FARSB: variants seen among roughly 807,000 people sequenced by gnomAD.
FARSB encodes the protein phenylalanyl-tRNA synthetase subunit beta.
A neutral mutation model predicts 69.6 loss-of-function variants in FARSB; 40 were observed. The ratio of observed to expected loss-of-function variants is 0.57; its 90% CI spans 0.45 to 0.75. The LOEUF is 0.75. Ranked by LOEUF, FARSB falls within the 30% of genes least tolerant of loss-of-function variation. FARSB has a pLI of 0.00. For synonymous variants in FARSB, 235 were observed against 247.2 expected (o/e 0.95, Z 0.46); for missense variants, 632 against 722.9 (o/e 0.87, Z 1.44).
At chr2:222,576,929 C>T (rs900617925) in intron 16 of FARSB, among the ~76,000 whole-genome samples, 6 of 152,160 alleles carry the variant, frequency 3.9e-5, no homozygotes, top group African/African-American at 1.4e-4. Flanking sequence ...GAAACACACA[C>T]TTATCCCACG....
Position 222,626,909 on chromosome 2 carries a change from G to A in FARSB, c.900+1928C>T, listed in dbSNP as rs188382664. Among the ~76,000 whole-genome samples, 373 of 152,108 alleles carry A rather than the reference G, an allele frequency of 2.5e-3. 2 individuals carry two copies. The highest frequency in any genetic ancestry group is 0.013 in the Admixed American group (196 of 15,290). ...AAATTAGCCGGGCGTGGTGACGGGC[G>A]CCTGTAGTCCCAGCTACTCGGGAGG... is the stretch of plus-strand genomic sequence containing the variant. On this transcript the variant is annotated intron_variant, in intron 10 of 16. Transcript: ENST00000281828.
intron 8 of FARSB, 61 bp downstream of exon 8, chr2:222,631,543 G>C: frequency 1.1e-6 from 1 of 904,054 alleles, no homozygotes; most frequent in Non-Finnish European, 1.8e-6. Context: ...ACTTAGTCTT[G>C]GTCCGGAAAT....
Position 222,643,000 on chromosome 2 carries a change from A to G in FARSB, c.120T>C (p.Ser40=). The G allele has an allele frequency of 6.3e-7, 1 of 1,585,236 alleles. No individual in the cohort carries two copies. Among genetic ancestry groups the G allele is most frequent in the Non-Finnish European group, 8.6e-7 (1 of 1,164,206 alleles). The change falls in exon 3 of 17, where the codon TCT becomes TCC. Residue 40 remains serine, a synonymous_variant. Coordinates refer to ENST00000281828, the MANE Select transcript of FARSB (RefSeq NM_005687.5). ...EFGLELDEIT[S]EKEIISKEQG... is the part of the protein sequence containing the mutation. ...GTTCTTTACTTATTATTTCCTTCTC[A>G]GATGTCTAAAACAAGCCAAAAAGTA...
chr2:222,586,155 G>A (rs971525798), intron 16 of FARSB, among the ~76,000 whole-genome samples: 10 of 152,300 alleles, frequency 6.6e-5, no homozygotes, highest in African/African-American at 1.4e-4. Context: ...GACTAACAGC[G>A]GATCTCTCAG....
In FARSB at chr2:222,567,844, T is replaced by C. The variant is rs1462147598; in HGVS notation, c.*4027A>G. ...GCTATTTAGCAGGATAGGGGGTTCA[T>C]TGGAGCAGTGTTTATAATTGCAAAC... On this transcript the variant is annotated 3_prime_UTR_variant, in exon 17 of 17. Coordinates refer to ENST00000281828, the MANE Select transcript of FARSB (RefSeq NM_005687.5). 1.3e-5 allele frequency: 2 copies of C among 152,202 alleles called. No individual in the cohort carries two copies. Among genetic ancestry groups the C allele is most frequent in the East Asian group, 3.8e-4 (2 of 5,202 alleles). The allele number at this position is 152,202 out of a possible 1,614,324, so 9.4% of individuals were successfully genotyped here.
chr2:222,652,616 A>C (rs1253395809), intron 1 of FARSB, among the ~76,000 whole-genome samples: 1 of 152,220 alleles, frequency 6.6e-6, no homozygotes, highest in East Asian at 1.9e-4. Context: ...CCTATGGCCA[A>C]AAATCAGCAA....
intron 16 of FARSB, among the ~76,000 whole-genome samples, chr2:222,594,093 C>CAAAAA (rs33937937): frequency 1.6e-4 from 8 of 51,570 alleles, no homozygotes; most frequent in South Asian, 1.1e-3. Flanking sequence ...CCCGCCTCTA[C>CAAAAA]AAAAAAAAAA....
intron 10 of FARSB, among the ~76,000 whole-genome samples, chr2:222,626,231 G>A (rs554554763): frequency 4.2e-5 from 5 of 117,706 alleles, no homozygotes; most frequent in East Asian, 2.5e-4. Context: ...GTAACAGAGC[G>A]AGACTCCATC....
At chr2:222,600,179 G>A in intron 15 of FARSB, 96 bp from the exon 16 acceptor site, 1 of 991,846 alleles carries the variant, frequency 1.0e-6, no homozygotes, top group Non-Finnish European at 1.5e-6. Context: ...CAACAAAAAA[G>A]AAAACCAAAT....
chr2:222,619,099 G>A (rs918669372), intron 14 of FARSB, among the ~76,000 whole-genome samples: 5 of 151,206 alleles, frequency 3.3e-5, no homozygotes, highest in African/African-American at 7.3e-5. Context: ...CCGAGATCCC[G>A]CCACTGCACT....
intron 16 of FARSB, among the ~76,000 whole-genome samples, chr2:222,581,650 T>C (rs551639375): frequency 4.6e-5 from 7 of 152,178 alleles, no homozygotes; most frequent in Non-Finnish European, 8.8e-5. Context: ...TTCTGAGCAG[T>C]TGGAGTCAAA....
chr2:222,575,112 T>C (rs891626196), intron 16 of FARSB, among the ~76,000 whole-genome samples: 1 of 152,214 alleles, frequency 6.6e-6, no homozygotes, highest in Non-Finnish European at 1.5e-5. Context: ...CATTAGGCCC[T>C]AGAGTTCAAA....
chr2:222,576,653 C>T (rs1689847190), intron 16 of FARSB, among the ~76,000 whole-genome samples: 1 of 152,080 alleles, frequency 6.6e-6, no homozygotes, highest in Non-Finnish European at 1.5e-5. Context: ...CTACCCAAGC[C>T]CTTCTCCTCC....
At chr2:222,587,637 A>C (rs1352496683) in intron 16 of FARSB, among the ~76,000 whole-genome samples, 6 of 152,224 alleles carry the variant, frequency 3.9e-5, no homozygotes, top group African/African-American at 1.4e-4. Context: ...AAAAGAGAGA[A>C]GAATCAAATA....
At chr2:222,585,230 G>C (rs1158666490) in intron 16 of FARSB, among the ~76,000 whole-genome samples, 1 of 152,258 alleles carries the variant, frequency 6.6e-6, no homozygotes, top group Non-Finnish European at 1.5e-5. Flanking sequence ...AGGCAAACAG[G>C]GTCTGGAGTG....
intron 2 of FARSB, among the ~76,000 whole-genome samples, chr2:222,645,618 T>C (rs1481301877): frequency 6.7e-6 from 1 of 150,262 alleles, no homozygotes; most frequent in Non-Finnish European, 1.5e-5. Flanking sequence ...AGTATGTCTT[T>C]TTTTTTTTTT....
intron 15 of FARSB, among the ~76,000 whole-genome samples, chr2:222,604,722 A>ATTTTTTTT (rs56201038): frequency 1.7e-4 from 19 of 110,702 alleles, no homozygotes; most frequent in Non-Finnish European, 1.9e-4. Context: ...TGCCCACTGA[A>ATTTTTTTT]TTTTTTTTTT....
At chr2:222,618,479 T>G (rs1691053759) in intron 14 of FARSB, among the ~76,000 whole-genome samples, 1 of 152,190 alleles carries the variant, frequency 6.6e-6, no homozygotes, top group Non-Finnish European at 1.5e-5. Flanking sequence ...GACATGATTT[T>G]CTCTAAAATC....
At chr2:222,583,291 C>G (rs1174866789) in intron 16 of FARSB, among the ~76,000 whole-genome samples, 1 of 152,148 alleles carries the variant, frequency 6.6e-6, no homozygotes, top group African/African-American at 2.4e-5. Flanking sequence ...GCTCTTCCCC[C>G]ACAAGACATT....
Sources: allele counts gnomAD v4.1 joint callset (sites outside exome capture counted in the v4.1 genomes callset), GRCh38; gene constraint gnomAD v4.1.1; transcripts MANE v1.5; gene names NCBI Gene and HGNC (gene_info 2026-07-23, HGNC 2026-07-21).